Variants in ACOXL observed in about 807,000 individuals in gnomAD.
ACOXL encodes acyl-coenzyme A oxidase-like protein.
In ACOXL, 70 loss-of-function variants were observed where a neutral mutation model predicts 71.9. The observed-to-expected ratio is 0.97, with a 90% CI of 0.80 to 1.19. The LOEUF (loss-of-function observed/expected upper bound fraction) is 1.19. Among genes scored for constraint, ACOXL ranks in the 50% most tolerant of loss-of-function variants. The pLI is 0.00. For missense variants in ACOXL, 703 were observed against 736.3 expected, an observed-to-expected ratio of 0.95 and a Z score of 0.52; for synonymous variants, 253 against 281.6, an observed-to-expected ratio of 0.90 and a Z score of 1.02.
intron 9 of ACOXL, among the ~76,000 whole-genome samples, chr2:110,818,610 A>G (rs1285817754): frequency 6.6e-6 from 1 of 151,740 alleles, no homozygotes. Context: ...GCTCCATTTT[A>G]AAGTGGAATT....
intron 14 of ACOXL, among the ~76,000 whole-genome samples, chr2:111,027,632 T>TA (rs2065079296): frequency 6.6e-6 from 1 of 152,224 alleles, no homozygotes; most frequent in South Asian, 2.1e-4. Flanking sequence ...TTGTTTTTTT[T>TA]ATTGAATAAG....
rs1226528601 is a variant in ACOXL, at chr2:111,092,903, G to A, written c.1479G>A (p.Glu493=). ...LLYGTKLVFQ[E]RAWYLEHKYL... Reference sequence around the variant, plus strand: ...ATGGAACCAAGCTGGTGTTTCAGGAGCGGGCCTGGTATTTAGAACATAAAT... The same window carrying A: ...ATGGAACCAAGCTGGTGTTTCAGGAACGGGCCTGGTATTTAGAACATAAAT... Residue 493 remains glutamate, a synonymous_variant, in exon 17 of 18, where the codon GAG becomes GAA. Coordinates refer to ENST00000439055, the MANE Select transcript of ACOXL (RefSeq NM_001142807.4). The A allele has an allele frequency of 6.2e-7, 1 of 1,613,890 alleles. No homozygotes were observed. Among genetic ancestry groups the A allele is most frequent in the Non-Finnish European group, 8.5e-7 (1 of 1,180,014 alleles).
chr2:110,896,735 G>C (rs1016443898), intron 10 of ACOXL, among the ~76,000 whole-genome samples: 4 of 152,140 alleles, frequency 2.6e-5, no homozygotes, highest in Admixed American at 6.5e-5. Flanking sequence ...TACGTGAAGT[G>C]AAAACTAACA....
intron 1 of ACOXL, among the ~76,000 whole-genome samples, chr2:110,757,105 A>G (rs1046550180): frequency 7.2e-5 from 11 of 151,958 alleles, no homozygotes; most frequent in African/African-American, 2.7e-4. Flanking sequence ...ATGTATCCAT[A>G]TGTTCTCATC....
intron 12 of ACOXL, among the ~76,000 whole-genome samples, chr2:110,974,300 A>G (rs1368085794): frequency 1.3e-5 from 2 of 152,242 alleles, no homozygotes; most frequent in Non-Finnish European, 2.9e-5. Context: ...TAAAACTTTC[A>G]AGATCCTGAA....
rs184390930 is a variant in ACOXL at position 110,932,579 on chromosome 2, C to T, written c.906-910C>T. Among the ~76,000 whole-genome samples the T allele has an allele frequency of 2.9e-3, 435 of 152,122 alleles. 3 individuals carry two copies. Among genetic ancestry groups the T allele is most frequent in the African/African-American group, 0.01 (417 of 41,476 alleles). The stretch of plus-strand genomic sequence containing the variant: ...GGGGGAGTGGAATTGAGGTATACTG[C>T]ATTGTTGTAAGGTGCAGAATTTCAA... On this transcript the variant is annotated intron_variant, in intron 11 of 17. Transcript: ENST00000439055.
At chr2:111,073,810 T>C (rs984072366) in intron 16 of ACOXL, among the ~76,000 whole-genome samples, 1 of 152,210 alleles carries the variant, frequency 6.6e-6, no homozygotes, top group African/African-American at 2.4e-5. Flanking sequence ...ATTGGTGATT[T>C]TGATTGGAAT....
chr2:110,915,065 C>T lies in ACOXL; in HGVS notation c.905+6160C>T, dbSNP rs187368686. Among the ~76,000 whole-genome samples the T allele has an allele frequency of 1.1e-3, 163 of 151,896 alleles. 4 individuals are homozygous for T. In the East Asian group the frequency reaches 0.024, roughly 23 times the overall value. ...TTAAGTTATTACTGACTATAGTCACCCTGTTTTGCTATTAAATAGTAGGTC... is the reference window on the plus strand; with the variant it reads ...TTAAGTTATTACTGACTATAGTCACTCTGTTTTGCTATTAAATAGTAGGTC... On this transcript the variant is annotated intron_variant, in intron 11 of 17. Coordinates refer to ENST00000439055, the MANE Select transcript of ACOXL (RefSeq NM_001142807.4).
chr2:111,031,803 C>A, intron 15 of ACOXL, 89 bp downstream of exon 15: 2 of 1,312,538 alleles, frequency 1.5e-6, no homozygotes, highest in South Asian at 1.2e-5. Context: ...AAAGGACAGT[C>A]CCAACACACA....
chr2:110,985,013 T>A (rs920157954), intron 12 of ACOXL, among the ~76,000 whole-genome samples: 2 of 151,912 alleles, frequency 1.3e-5, no homozygotes, highest in Non-Finnish European at 2.9e-5. Context: ...GCTGTGGGAG[T>A]GGGAATCAGA....
At chr2:110,930,546 G>A (rs2060442520) in intron 11 of ACOXL, among the ~76,000 whole-genome samples, 1 of 152,206 alleles carries the variant, frequency 6.6e-6, no homozygotes, top group Admixed American at 6.5e-5. Context: ...GGGAAGGGAT[G>A]ACTGGTTTTG....
At chr2:110,787,459 G>A (rs982117514) in intron 3 of ACOXL, among the ~76,000 whole-genome samples, 7 of 150,886 alleles carry the variant, frequency 4.6e-5, no homozygotes, top group Admixed American at 6.6e-5. Context: ...GCGTGGACCC[G>A]GGAGGCGGAG....
At chr2:111,101,592 G>A (rs1413944366) in intron 17 of ACOXL, among the ~76,000 whole-genome samples, 7 of 151,842 alleles carry the variant, frequency 4.6e-5, no homozygotes, top group Non-Finnish European at 1.0e-4. Flanking sequence ...GAAGAGAGAT[G>A]GGGTTTCTCG....
chr2:110,897,920 A>G (rs1279954217), intron 10 of ACOXL, among the ~76,000 whole-genome samples: 1 of 152,198 alleles, frequency 6.6e-6, no homozygotes, highest in Non-Finnish European at 1.5e-5. Flanking sequence ...ATATTATTGT[A>G]GACACTGAGA....
chr2:110,877,155 CCAGCA>C lies in ACOXL; in HGVS notation c.789-31629_789-31625del. On this transcript the variant is annotated intron_variant, in intron 10 of 17. Transcript: ENST00000439055. ...GTTTGCTGCGAGGGACCCTCCTTCT[CCAGCA>C]CAGCCAGCAGCAGTGGGTGTGGCTG... is the stretch of plus-strand genomic sequence containing the variant. Among the ~76,000 whole-genome samples the C allele has an allele frequency of 2.0e-5, 3 of 152,372 alleles. No individual in the cohort carries two copies. The South Asian group carries it at 6.2e-4, about 32-fold the overall frequency.
chr2:110,859,755 C>T (rs900829818), intron 10 of ACOXL, among the ~76,000 whole-genome samples: 3 of 152,212 alleles, frequency 2.0e-5, no homozygotes, highest in African/African-American at 7.2e-5. Context: ...AGGCGCTTGG[C>T]ACCCCAGCAG....
chr2:110,961,869 G>A (rs538932533), intron 12 of ACOXL, among the ~76,000 whole-genome samples: 4 of 152,174 alleles, frequency 2.6e-5, no homozygotes, highest in Non-Finnish European at 4.4e-5. Context: ...CAGATCTTGT[G>A]AGACTTATTC....
At chr2:110,801,150 T>C (rs1171281852) in intron 7 of ACOXL, among the ~76,000 whole-genome samples, 1 of 152,186 alleles carries the variant, frequency 6.6e-6, no homozygotes, top group Admixed American at 6.5e-5. Flanking sequence ...CCCCACTTCC[T>C]GCTGTCCTTG....
chr2:110,900,072 AACACACACACACATACACACAC>A (rs2059165052), intron 10 of ACOXL, among the ~76,000 whole-genome samples: 1 of 123,100 alleles, frequency 8.1e-6, no homozygotes, highest in Non-Finnish European at 1.7e-5. Context: ...AAAGCTTTTC[AACACACACACACATACACACAC>A]ACACACACAC....
Sources: allele counts gnomAD v4.1 joint callset (sites outside exome capture counted in the v4.1 genomes callset), GRCh38; gene constraint gnomAD v4.1.1; transcripts MANE v1.5; gene names NCBI Gene and HGNC (gene_info 2026-07-23, HGNC 2026-07-21).